Variants in NRG3 observed in about 807,000 individuals in gnomAD.
NRG3 encodes neuregulin 3, also known as pro-neuregulin-3, membrane-bound isoform.
Under a neutral mutation model 66.9 loss-of-function variants are expected in NRG3, and 31 were observed. That is an observed-to-expected ratio of 0.46 (90% CI 0.35 to 0.63). NRG3 has a LOEUF of 0.63. Among genes scored for constraint, NRG3 ranks in the 20% least tolerant of loss-of-function variants. NRG3 has a pLI of 0.00. For synonymous variants in NRG3, 393 were observed against 359.4 expected (o/e 1.09, Z -1.06); for missense variants, 910 against 878.9 (o/e 1.04, Z -0.45).
At chr10:82,697,361 T>TA (rs933721806) in intron 2 of NRG3, among the ~76,000 whole-genome samples, 22 of 151,772 alleles carry the variant, frequency 1.4e-4, no homozygotes, top group Admixed American at 9.2e-4. Context: ...AAAAGTTTTG[T>TA]AAAAAAAAAT....
At chr10:82,770,471 CG>C (rs1338510093) in intron 3 of NRG3, among the ~76,000 whole-genome samples, 1 of 152,050 alleles carries the variant, frequency 6.6e-6, no homozygotes, top group Non-Finnish European at 1.5e-5. Flanking sequence ...TTTCTAAAAC[CG>C]TCAACACAAA....
At chr10:82,834,250 A>T (rs963400394) in intron 3 of NRG3, among the ~76,000 whole-genome samples, 2 of 152,036 alleles carry the variant, frequency 1.3e-5, no homozygotes, top group African/African-American at 4.8e-5. Context: ...GAGCCCACTG[A>T]TTTTTTAATC....
intron 3 of NRG3, among the ~76,000 whole-genome samples, chr10:82,776,424 G>A (rs1357552657): frequency 6.6e-6 from 1 of 152,122 alleles, no homozygotes; most frequent in African/African-American, 2.4e-5. Flanking sequence ...GGTAGAATAT[G>A]CTTGAAGACT....
chr10:82,027,827 T>C (rs902389159), intron 1 of NRG3, among the ~76,000 whole-genome samples: 2 of 151,952 alleles, frequency 1.3e-5, no homozygotes, highest in African/African-American at 4.8e-5. Context: ...TACCCACACA[T>C]TGAGGGACTG....
intron 2 of NRG3, among the ~76,000 whole-genome samples, chr10:82,521,310 C>T (rs1015944455): frequency 9.9e-5 from 15 of 152,208 alleles, no homozygotes; most frequent in African/African-American, 3.6e-4. Flanking sequence ...GGTGATTCAT[C>T]AGGGTGGTGG....
intron 1 of NRG3, among the ~76,000 whole-genome samples, chr10:82,098,330 T>A (rs922708441): frequency 2.0e-5 from 3 of 149,520 alleles, no homozygotes; most frequent in Non-Finnish European, 4.4e-5. Flanking sequence ...CATCTATATA[T>A]ATGACATATA....
At chr10:82,726,567 CA>C (rs1394290791) in intron 2 of NRG3, among the ~76,000 whole-genome samples, 12 of 152,126 alleles carry the variant, frequency 7.9e-5, no homozygotes, top group Non-Finnish European at 1.6e-4. Flanking sequence ...TGCCTTCTGC[CA>C]TGATTGGGAG....
chr10:82,151,910 A>G (rs1272588456), intron 1 of NRG3, among the ~76,000 whole-genome samples: 1 of 152,190 alleles, frequency 6.6e-6, no homozygotes, highest in Non-Finnish European at 1.5e-5. Context: ...TCTTTCACAT[A>G]TGTATAAGGG....
At chr10:82,117,047 C>T (rs928077785) in intron 1 of NRG3, among the ~76,000 whole-genome samples, 3 of 152,084 alleles carry the variant, frequency 2.0e-5, no homozygotes, top group East Asian at 1.9e-4. Flanking sequence ...TCTTGCACAC[C>T]CACTTTTCTG....
At chr10:82,661,008 A>G (rs1347253863) in intron 2 of NRG3, among the ~76,000 whole-genome samples, 1 of 152,204 alleles carries the variant, frequency 6.6e-6, no homozygotes, top group Non-Finnish European at 1.5e-5. Flanking sequence ...ATCTGTATAT[A>G]GTGAAAATTA....
At chr10:82,235,926 T>A (rs558104513) in intron 1 of NRG3, among the ~76,000 whole-genome samples, 2 of 152,144 alleles carry the variant, frequency 1.3e-5, no homozygotes, top group South Asian at 2.1e-4. Context: ...ACAGTAGAAC[T>A]GGATCTACAA....
At chr10:81,880,406 CA>C (rs200467368) in intron 1 of NRG3, among the ~76,000 whole-genome samples, 4 of 150,458 alleles carry the variant, frequency 2.7e-5, no homozygotes, top group Non-Finnish European at 5.9e-5. Flanking sequence ...CCAAAAAAAA[CA>C]AAAAAAAACC....
intron 1 of NRG3, among the ~76,000 whole-genome samples, chr10:82,161,847 C>T (rs2071626534): frequency 1.3e-5 from 2 of 152,258 alleles, no homozygotes; most frequent in East Asian, 1.9e-4. Context: ...AGCAATTAAG[C>T]TTGGCCAAGG....
chr10:82,243,380 G>T (rs536291491), intron 1 of NRG3, among the ~76,000 whole-genome samples: 2 of 151,750 alleles, frequency 1.3e-5, no homozygotes, highest in African/African-American at 2.4e-5. Flanking sequence ...CATAATCAAA[G>T]AAATAATAAA....
chr10:82,705,391 C>A (rs898727820), intron 2 of NRG3, among the ~76,000 whole-genome samples: 6 of 152,232 alleles, frequency 3.9e-5, no homozygotes, highest in African/African-American at 1.4e-4. Context: ...CTGTGGGGGG[C>A]AGAGCCCAGC....
chr10:82,871,709 A>C (rs1841358824), intron 4 of NRG3, among the ~76,000 whole-genome samples: 1 of 152,096 alleles, frequency 6.6e-6, no homozygotes, highest in African/African-American at 2.4e-5. Flanking sequence ...TTAATTTCAT[A>C]TCATATTTGT....
intron 3 of NRG3, among the ~76,000 whole-genome samples, chr10:82,848,907 G>T (rs2063434102): frequency 6.6e-6 from 1 of 152,152 alleles, no homozygotes; most frequent in African/African-American, 2.4e-5. Flanking sequence ...CTTCTGCCAT[G>T]ATTGTGAGGC....
At chr10:81,932,835 A>G (rs768200731) in intron 1 of NRG3, among the ~76,000 whole-genome samples, 4 of 152,112 alleles carry the variant, frequency 2.6e-5, no homozygotes, top group South Asian at 2.1e-4. Context: ...CTGGTCAGGC[A>G]CGGTGGCTCA....
At position 82,548,225 on chromosome 10, in the gene NRG3, A is replaced by T. The variant is rs1458252600; in HGVS notation, c.953+189357A>T. On this transcript the variant is annotated intron_variant, in intron 2 of 8. Coordinates refer to ENST00000372141, the MANE Select transcript of NRG3 (RefSeq NM_001010848.4). ...TTGCTTTGTGAGAGAAAATTGCATCAATTTTTGGATACCTTAAAAGACCTC... is the reference window on the plus strand; with the variant it reads ...TTGCTTTGTGAGAGAAAATTGCATCTATTTTTGGATACCTTAAAAGACCTC... Among the ~76,000 whole-genome samples, 11 of 152,172 alleles carry T rather than the reference A, an allele frequency of 7.2e-5. No homozygotes were observed. In the East Asian group the frequency reaches 2.1e-3, roughly 29 times the overall value.
Sources: allele counts gnomAD v4.1 joint callset (sites outside exome capture counted in the v4.1 genomes callset), GRCh38; gene constraint gnomAD v4.1.1; transcripts MANE v1.5; gene names NCBI Gene and HGNC (gene_info 2026-07-23, HGNC 2026-07-21).